GPR174: variants seen among roughly 807,000 people sequenced by gnomAD.
GPR174 encodes G protein-coupled receptor 174, also known as probable G protein-coupled receptor 174.
In GPR174, 8 loss-of-function variants were observed where a neutral mutation model predicts 16.5. That is an observed-to-expected ratio of 0.48 (90% CI 0.28 to 0.87). GPR174 has a LOEUF of 0.87. Among genes scored for constraint, GPR174 ranks in the 40% least tolerant of loss-of-function variants. The pLI is 0.09. For missense variants in GPR174, 214 were observed against 247.5 expected (o/e 0.86, Z 0.91); for synonymous variants, 111 against 94.8 (o/e 1.17, Z -0.99).
At chrX:79,166,446 T>TTTTTTTTTTTTTTTTTTTTTG (rs1921370947) in intron 2 of GPR174, among the ~76,000 whole-genome samples, 1 of 79,024 alleles carries the variant, frequency 1.3e-5, no homozygotes, top group Non-Finnish European at 2.4e-5. Context: ...TTTTTTTTTT[T>TTTTTTTTTTTTTTTTTTTTTG]TTTTTTTTTT....
chrX:79,159,127 G>C (rs1444684450), intron 2 of GPR174, among the ~76,000 whole-genome samples: 2 of 111,577 alleles, frequency 1.8e-5, no homozygotes, highest in Non-Finnish European at 3.8e-5. Flanking sequence ...AGATGAGATT[G>C]CTGGTTCATC....
At chrX:79,161,447 A>ATTT (rs2147454411) in intron 2 of GPR174, among the ~76,000 whole-genome samples, 1 of 112,695 alleles carries the variant, frequency 8.9e-6, no homozygotes, top group East Asian at 2.8e-4. Context: ...ATTTATGGTC[A>ATTT]TAAGTTATGG....
chrX:79,165,759 C>T (rs1921345748), intron 2 of GPR174, among the ~76,000 whole-genome samples: 1 of 110,964 alleles, frequency 9.0e-6, no homozygotes, highest in South Asian at 3.9e-4. Flanking sequence ...CCTCCCTTTT[C>T]ACAGGCTATT....
At chrX:79,163,445 T>C (rs973603209) in intron 2 of GPR174, among the ~76,000 whole-genome samples, 1 of 111,866 alleles carries the variant, frequency 8.9e-6, no homozygotes, top group Non-Finnish European at 1.9e-5. Context: ...TAACCCAGAA[T>C]GGAAGTCCAT....
In GPR174 at chrX:79,169,873, T is replaced by A. The variant is rs1022123664; in HGVS notation, c.-556-579T>A. Among the ~76,000 whole-genome samples, 6 of 112,017 alleles carry A rather than the reference T, an allele frequency of 5.4e-5. No homozygotes were observed. In the East Asian group the frequency reaches 1.7e-3, roughly 31 times the overall value. On this transcript the variant is annotated intron_variant, in intron 2 of 2. Transcript: ENST00000645147. ...TAAAGAGAAGCTGGTTGTCCATTTATTTTTAGACATATAGGAATGATTTGG... is the reference window on the plus strand; with the variant it reads ...TAAAGAGAAGCTGGTTGTCCATTTAATTTTAGACATATAGGAATGATTTGG...
At chrX:79,157,629 T>G (rs768103659) in intron 2 of GPR174, among the ~76,000 whole-genome samples, 1 of 112,347 alleles carries the variant, frequency 8.9e-6, no homozygotes, top group African/African-American at 3.2e-5. Flanking sequence ...AAAGAAAAAT[T>G]ACAGTAGCCG....
intron 1 of GPR174, among the ~76,000 whole-genome samples, chrX:79,151,894 G>C (rs1926608000): frequency 1.8e-5 from 2 of 111,675 alleles, no homozygotes; most frequent in Admixed American, 1.9e-4. Flanking sequence ...GAAGGTGTGT[G>C]ACTTCATGGA....
intron 2 of GPR174, among the ~76,000 whole-genome samples, chrX:79,157,224 A>ATT (rs1036043167): frequency 5.4e-5 from 6 of 111,958 alleles, no homozygotes; most frequent in African/African-American, 1.9e-4. Flanking sequence ...TCCTGTCTTT[A>ATT]TTTACTATCT....
chrX:79,157,282 A>C (rs1921120953), intron 2 of GPR174, among the ~76,000 whole-genome samples: 1 of 112,035 alleles, frequency 8.9e-6, no homozygotes, highest in Non-Finnish European at 1.9e-5. Flanking sequence ...AATTTCAAAA[A>C]TACTGCATTG....
At chrX:79,169,235 T>G (rs1038141450) in intron 2 of GPR174, among the ~76,000 whole-genome samples, 5 of 111,947 alleles carry the variant, frequency 4.5e-5, no homozygotes, top group Non-Finnish European at 9.4e-5. Context: ...GCTTGGCATT[T>G]CCTTCCAATA....
intron 2 of GPR174, among the ~76,000 whole-genome samples, chrX:79,167,628 A>T (rs1322646929): frequency 9.0e-6 from 1 of 111,589 alleles, no homozygotes; most frequent in Non-Finnish European, 1.9e-5. Flanking sequence ...AGAAAAGGCA[A>T]TATGACTGGT....
In GPR174 at chrX:79,146,039, T is replaced by A. The variant is rs185547262; in HGVS notation, c.-654+822T>A. ...AAATGTAAGTGAAATTATTTCCTTG[T>A]TTGCGTGTTGTCTCTGTTTTGTGCT... On this transcript the variant is annotated intron_variant, in intron 1 of 2. Coordinates refer to ENST00000645147, the MANE Select transcript of GPR174 (RefSeq NM_032553.3). 7.0e-3 allele frequency among the ~76,000 whole-genome samples: 780 copies of A among 111,902 alleles called. 6 individuals are homozygous for A. Among genetic ancestry groups the A allele is most frequent in the Non-Finnish European group, 7.2e-3 (383 of 53,058 alleles).
At chrX:79,152,450 T>C (rs1405493781) in intron 1 of GPR174, among the ~76,000 whole-genome samples, 1 of 111,752 alleles carries the variant, frequency 8.9e-6, no homozygotes, top group African/African-American at 3.3e-5. Context: ...GAGCTCAGTG[T>C]GGTAACCATC....
intron 1 of GPR174, among the ~76,000 whole-genome samples, chrX:79,151,377 A>C (rs1240646673): frequency 9.0e-6 from 1 of 111,458 alleles, no homozygotes; most frequent in Non-Finnish European, 1.9e-5. Context: ...AAGGATTAGC[A>C]TACAAAAAGA....
At chrX:79,153,125 C>T (rs1221338971) in intron 1 of GPR174, among the ~76,000 whole-genome samples, 1 of 112,033 alleles carries the variant, frequency 8.9e-6, no homozygotes, top group African/African-American at 3.2e-5. Flanking sequence ...TGGAATAGTC[C>T]AACCACTTTA....
At chrX:79,167,459 C>CTT (rs78546778) in intron 2 of GPR174, among the ~76,000 whole-genome samples, 2 of 104,534 alleles carry the variant, frequency 1.9e-5, no homozygotes, top group Admixed American at 1.0e-4. Context: ...TGCAGCCTAA[C>CTT]TTTTTTTTTT....
chrX:79,170,078 A>G (rs1921471329), intron 2 of GPR174, among the ~76,000 whole-genome samples: 1 of 111,946 alleles, frequency 8.9e-6, no homozygotes, highest in Non-Finnish European at 1.9e-5. Flanking sequence ...GACAATCAGT[A>G]ATGTTAGTGA....
chrX:79,153,901 A>AGT (rs1921034916), intron 1 of GPR174, among the ~76,000 whole-genome samples: 1 of 111,900 alleles, frequency 8.9e-6, no homozygotes, highest in Non-Finnish European at 1.9e-5. Context: ...TTTGGGCCTC[A>AGT]GTTACCTTGC....
At chrX:79,161,735 G>A (rs1212619358) in intron 2 of GPR174, among the ~76,000 whole-genome samples, 1 of 111,720 alleles carries the variant, frequency 9.0e-6, no homozygotes, top group Non-Finnish European at 1.9e-5. Context: ...CAGTTTTGGA[G>A]GCCAGTGTCT....
Sources: gnomAD v4.1 joint callset for allele counts (sites outside exome capture counted in the v4.1 genomes callset) on GRCh38, gnomAD v4.1.1 for gene constraint, MANE v1.5 for transcripts, NCBI Gene and HGNC (gene_info 2026-07-23, HGNC 2026-07-21) for gene names.